The following ANK2 variants were observed in gnomAD, a reference collection of about 807,000 sequenced individuals.
ANK2 encodes the protein ankyrin 2.
Under a neutral mutation model 360.5 loss-of-function variants are expected in ANK2, and 83 were observed. That is an observed-to-expected ratio of 0.23 (90% CI 0.19 to 0.28). The LOEUF (loss-of-function observed/expected upper bound fraction) is 0.28. ANK2 is among the 10% of genes least tolerant of loss of function. The probability of loss-of-function intolerance (pLI) is 1.00; values close to 1 mark genes in which losing one functional copy is unlikely to be tolerated. For missense variants in ANK2, 4,201 were observed against 4,795.7 expected, an observed-to-expected ratio of 0.88 and a Z score of 3.66; for synonymous variants, 1,740 against 1,759.5, an observed-to-expected ratio of 0.99 and a Z score of 0.28.
In ANK2 at chr4:113,353,470, G is replaced by A. The variant is rs2095542453; in HGVS notation, c.4852G>A (p.Glu1618Lys). ...AGAAATCACTGAATATCCATGTGTA[G>A]AAGTTAGAATAGATAAAGAGATCAA... The part of the protein sequence containing the change: ...PLEITEYPCV[E>K]VRIDKEIKGK... The change falls in exon 38 of 46, where the codon GAA (glutamate) becomes AAA (lysine). Residue 1618 changes from glutamate to lysine, a missense_variant. This residue lies in a region of ANK2 where 1,268 missense variants were observed against 1,650.8 expected (regional missense o/e 0.77). Coordinates refer to ENST00000357077, the MANE Select transcript of ANK2 (RefSeq NM_001148.6). The A allele has an allele frequency of 6.2e-7, 1 of 1,614,080 alleles. No homozygotes were observed.
intron 21 of ANK2, 27 bp from the exon 22 acceptor site, chr4:113,293,413 A>G (rs1563494867): frequency 3.1e-6 from 5 of 1,589,106 alleles, no homozygotes; most frequent in African/African-American, 1.4e-5. Flanking sequence ...CTTATTTCTC[A>G]CTCTCTCTCT....
chr4:112,788,837 C>T, the ANK2 span: 8 of 915,028 alleles, frequency 8.7e-6, no homozygotes, highest in Non-Finnish European at 1.4e-5. Flanking sequence ...CAGCAGGGGC[C>T]GGAGCCACCT....
the ANK2 span, among the ~76,000 whole-genome samples, chr4:112,804,964 A>G: frequency 6.6e-6 from 1 of 152,174 alleles, no homozygotes; most frequent in African/African-American, 2.4e-5. Context: ...CCCTTCTCAA[A>G]AAAAGAAACA....
intron 1 of ANK2, among the ~76,000 whole-genome samples, chr4:113,083,566 C>T (rs1419335339): frequency 6.6e-6 from 1 of 152,154 alleles, no homozygotes; most frequent in East Asian, 1.9e-4. Context: ...AGGCCCATCA[C>T]TGTTGGGTAT....
chr4:112,787,439 G>A, the ANK2 span, among the ~76,000 whole-genome samples: 6,829 of 152,230 alleles, frequency 0.045, 393 homozygotes, highest in African/African-American at 0.13. Flanking sequence ...AGATAAAGGG[G>A]TTTATTATAA....
At chr4:112,773,713 C>T in the ANK2 span, among the ~76,000 whole-genome samples, 5 of 152,184 alleles carry the variant, frequency 3.3e-5, no homozygotes, top group Non-Finnish European at 2.9e-5. Flanking sequence ...TATGTGGTAA[C>T]AGATACAATA....
At chr4:113,039,990 A>G (rs1200147322) in intron 2 of ANK2, among the ~76,000 whole-genome samples, 1 of 152,028 alleles carries the variant, frequency 6.6e-6, no homozygotes, top group Admixed American at 6.6e-5. Context: ...AAGCTGGTTT[A>G]AGATAGAAAA....
chr4:112,864,850 T>G (rs999860083), intron 1 of ANK2, among the ~76,000 whole-genome samples: 1 of 148,842 alleles, frequency 6.7e-6, no homozygotes, highest in South Asian at 2.2e-4. Context: ...GGCTAACACG[T>G]TGAAACCCCG....
At chr4:112,962,764 T>C (rs993905987) in intron 2 of ANK2, among the ~76,000 whole-genome samples, 5 of 152,144 alleles carry the variant, frequency 3.3e-5, no homozygotes, top group Admixed American at 6.5e-5. Flanking sequence ...CTTTAGTATC[T>C]GTGTTTTTAA....
intron 1 of ANK2, among the ~76,000 whole-genome samples, chr4:112,838,497 G>C (rs750813422): frequency 3.3e-5 from 5 of 152,238 alleles, no homozygotes; most frequent in Non-Finnish European, 5.9e-5. Context: ...TGTGGAACTA[G>C]AGTGAATGTT....
chr4:113,254,636 A>AT (rs1280935608), intron 10 of ANK2, among the ~76,000 whole-genome samples: 1 of 152,226 alleles, frequency 6.6e-6, no homozygotes, highest in Admixed American at 6.5e-5. Context: ...AATGAAGATT[A>AT]TTTCAAAATA....
Position 113,373,307 on chromosome 4 carries a change from G to A in ANK2, c.11717G>A (p.Arg3906Gln), listed in dbSNP as rs770001324. The change falls in exon 45 of 46, where the codon CGG becomes CAG. Residue 3906 changes from arginine to glutamine, a missense_variant. Physicochemically the swap from Arg to Gln is conservative, Grantham distance 43. This residue lies in a region of ANK2 where 2,642 missense variants were observed against 2,714.5 expected (regional missense o/e 0.97). Transcript: ENST00000357077. ...VKKVTRKIIR[R>Q]YVSSEGTEKE... ...CAGGTTACTAGGAAAATCATTAGGCGGTATGTATCCTCTGAAGGCACAGAG... is the reference window on the plus strand; with the variant it reads ...CAGGTTACTAGGAAAATCATTAGGCAGTATGTATCCTCTGAAGGCACAGAG... The A allele has an allele frequency of 1.5e-5, 25 of 1,613,994 alleles. No homozygotes were observed. Among genetic ancestry groups the A allele is most frequent in the South Asian group, 8.8e-5 (8 of 91,078 alleles).
intron 2 of ANK2, among the ~76,000 whole-genome samples, chr4:112,972,284 A>C (rs1421478807): frequency 6.6e-6 from 1 of 152,054 alleles, no homozygotes; most frequent in Non-Finnish European, 1.5e-5. Flanking sequence ...CTATCAACCA[A>C]TCATCTAGGT....
upstream of ANK2, among the ~76,000 whole-genome samples, chr4:113,048,276 A>ATT (rs1165941601): frequency 2.0e-4 from 8 of 39,748 alleles, no homozygotes; most frequent in Admixed American, 4.4e-4. Context: ...ATATATATAT[A>ATT]TTTTTTTTTT....
chr4:113,343,290 C>A, intron 34 of ANK2, 148 bp downstream of exon 34: 6 of 861,806 alleles, frequency 7.0e-6, no homozygotes, highest in East Asian at 2.8e-5. Context: ...CCCTGGGAAA[C>A]AAATCATTTT....
intron 45 of ANK2, 56 bp downstream of exon 45, chr4:113,373,505 C>T: frequency 6.4e-7 from 1 of 1,559,294 alleles, no homozygotes. Context: ...AAATAGAGCT[C>T]AAGAAAGATG....
chr4:113,111,487 A>G (rs2094295923), intron 1 of ANK2, among the ~76,000 whole-genome samples: 1 of 152,216 alleles, frequency 6.6e-6, no homozygotes, highest in South Asian at 2.1e-4. Context: ...TTGAATTTTC[A>G]CATTTTAACC....
In ANK2 at chr4:113,313,603, A is replaced by T. The variant is rs192164843; in HGVS notation, c.2693+2204A>T. On this transcript the variant is annotated intron_variant, in intron 24 of 45. Transcript: ENST00000357077. ...TCTTCTTTTATTTTTAATTTTGCTTAGGCAATTCAATATAAGTTACCTTTT... is the reference window on the plus strand; with the variant it reads ...TCTTCTTTTATTTTTAATTTTGCTTTGGCAATTCAATATAAGTTACCTTTT... The T allele has an allele frequency of 4.2e-3, 645 of 152,644 alleles. 3 individuals carry two copies. Among genetic ancestry groups the T allele is most frequent in the Non-Finnish European group, 6.4e-3 (432 of 68,018 alleles). 9.5% of individuals were successfully genotyped at this position (152,644 alleles called of 1,614,324 possible).
chr4:112,934,888 A>T (rs2093601726), intron 2 of ANK2, among the ~76,000 whole-genome samples: 1 of 152,166 alleles, frequency 6.6e-6, no homozygotes. Context: ...GATGTTCTTT[A>T]TATAGGATAG....
Sources: allele counts gnomAD v4.1 joint callset (sites outside exome capture counted in the v4.1 genomes callset), GRCh38; gene constraint gnomAD v4.1.1; regional missense constraint gnomAD v4.1.1; transcripts MANE v1.5; gene names NCBI Gene and HGNC (gene_info 2026-07-23, HGNC 2026-07-21).